REEP3: variants seen among roughly 807,000 people sequenced by gnomAD.
REEP3 encodes the protein receptor accessory protein 3.
A neutral mutation model predicts 41.3 loss-of-function variants in REEP3; 20 were observed. The ratio of observed to expected loss-of-function variants is 0.48; its 90% CI spans 0.34 to 0.70. REEP3 has a LOEUF of 0.70. Among genes scored for constraint, REEP3 ranks in the 30% least tolerant of loss-of-function variants. REEP3 has a pLI of 0.01. For synonymous variants in REEP3, 104 were observed against 101.8 expected (o/e 1.02, Z -0.13); for missense variants, 271 against 308.8 (o/e 0.88, Z 0.92).
In REEP3 at chr10:63,599,202, A is replaced by G. The variant is rs1306643796; in HGVS notation, c.336A>G (p.Glu112=). Residue 112 remains glutamate (E), a synonymous_variant, in exon 5 of 8, where the codon GAA becomes GAG. Transcript: ENST00000373758. ...ATGATTATATTGTACAAGCAAAGGAACGAGGCTATGAAACCATGGTAAACT... is the reference window on the plus strand; with the variant it reads ...ATGATTATATTGTACAAGCAAAGGAGCGAGGCTATGAAACCATGGTAAACT... ...EIDDYIVQAK[E]RGYETMVNFG... The G allele has an allele frequency of 1.1e-5, 18 of 1,592,152 alleles. No homozygotes were observed. The East Asian group carries it at 3.4e-4, about 30-fold the overall frequency.
intron 1 of REEP3, among the ~76,000 whole-genome samples, chr10:63,526,677 A>G (rs755988847): frequency 1.8e-4 from 27 of 151,942 alleles, no homozygotes; most frequent in Non-Finnish European, 1.3e-4. Context: ...CCAGATTTTT[A>G]TTAATTATAT....
intron 5 of REEP3, among the ~76,000 whole-genome samples, chr10:63,602,256 G>C (rs536431648): frequency 6.6e-6 from 1 of 152,272 alleles, no homozygotes; most frequent in African/African-American, 2.4e-5. Context: ...GAGAGTATGG[G>C]GGAAAGAGAA....
chr10:63,537,960 C>G (rs12770839), intron 1 of REEP3, among the ~76,000 whole-genome samples: 16 of 143,594 alleles, frequency 1.1e-4, no homozygotes, highest in Admixed American at 4.9e-4. Context: ...TCTTCCCCCC[C>G]CGACCCCCAT....
At chr10:63,606,136 C>T (rs948850893) in intron 5 of REEP3, 20 of 947,502 alleles carry the variant, frequency 2.1e-5, no homozygotes, top group Non-Finnish European at 2.5e-5. Context: ...AGAGTACAGA[C>T]AATTCTGCAG....
chr10:63,522,789 A>G (rs1471787283), intron 1 of REEP3, among the ~76,000 whole-genome samples: 1 of 152,220 alleles, frequency 6.6e-6, no homozygotes, highest in Non-Finnish European at 1.5e-5. Context: ...CAAAGTTTCT[A>G]GTTTTAAAGC....
At chr10:63,611,461 C>G (rs923719358) in intron 6 of REEP3, among the ~76,000 whole-genome samples, 4 of 152,092 alleles carry the variant, frequency 2.6e-5, no homozygotes, top group Non-Finnish European at 5.9e-5. Context: ...ATGAACATGT[C>G]ATAGTTAATA....
intron 1 of REEP3, among the ~76,000 whole-genome samples, chr10:63,562,247 A>T (rs1472925355): frequency 6.6e-6 from 1 of 151,600 alleles, no homozygotes; most frequent in Non-Finnish European, 1.5e-5. Context: ...ATTGTTAAAT[A>T]AGGCAGAGTT....
chr10:63,545,693 T>G (rs1372328960), intron 1 of REEP3, among the ~76,000 whole-genome samples: 15 of 142,234 alleles, frequency 1.1e-4, no homozygotes, highest in East Asian at 2.1e-4. Context: ...TTTTTTTTTT[T>G]TTTTTTTTTT....
At chr10:63,620,683 C>T (rs973352787) in intron 7 of REEP3, 130 bp from the exon 8 acceptor site, 2 of 559,478 alleles carry the variant, frequency 3.6e-6, no homozygotes, top group South Asian at 5.4e-5. Context: ...GTCTTATATA[C>T]ATTTATTAAG....
intron 1 of REEP3, among the ~76,000 whole-genome samples, chr10:63,533,163 C>G (rs1054866099): frequency 6.6e-6 from 1 of 152,152 alleles, no homozygotes; most frequent in Non-Finnish European, 1.5e-5. Flanking sequence ...AGTTGAAGAT[C>G]TTAAACTATA....
chr10:63,535,445 G>C (rs1290528339), intron 1 of REEP3, among the ~76,000 whole-genome samples: 1 of 152,048 alleles, frequency 6.6e-6, no homozygotes, highest in Non-Finnish European at 1.5e-5. Flanking sequence ...AAATTTAATG[G>C]AATTCCAACA....
chr10:63,580,141 G>A (rs1955937838), intron 2 of REEP3, among the ~76,000 whole-genome samples: 1 of 151,970 alleles, frequency 6.6e-6, no homozygotes, highest in South Asian at 2.1e-4. Context: ...TGTTGTTGTT[G>A]TTGTTTTGAG....
chr10:63,555,766 A>C (rs1362995193), intron 1 of REEP3, among the ~76,000 whole-genome samples: 24 of 152,228 alleles, frequency 1.6e-4, no homozygotes. Flanking sequence ...CAAACTAAGC[A>C]TAATATTGTC....
intron 1 of REEP3, among the ~76,000 whole-genome samples, chr10:63,556,619 T>TG (rs1564477579): frequency 2.9e-3 from 10 of 3,410 alleles, no homozygotes; most frequent in South Asian, 0.033. Flanking sequence ...TGCTTGTTTT[T>TG]TTTTTTGTTG....
chr10:63,556,931 G>A (rs1955693155), intron 1 of REEP3, among the ~76,000 whole-genome samples: 1 of 152,044 alleles, frequency 6.6e-6, no homozygotes, highest in Non-Finnish European at 1.5e-5. Context: ...CACCGCGCCC[G>A]GCCTTTGCTT....
chr10:63,521,824 C>G (rs1289677058), intron 1 of REEP3: 2 of 181,098 alleles, frequency 1.1e-5, no homozygotes, highest in Non-Finnish European at 1.9e-5. Context: ...GCGGCTGTGG[C>G]GCTGCTCGGC....
At chr10:63,579,157 G>A (rs117359294) in intron 2 of REEP3, among the ~76,000 whole-genome samples, 2,262 of 151,706 alleles carry the variant, frequency 0.015, 25 homozygotes, top group East Asian at 0.062. Context: ...TCAGCCTCCC[G>A]AGTAGCTAGG....
rs975659959 is a variant in REEP3 at position 63,609,248 on chromosome 10, C to T, written c.418-939C>T. 2.0e-5 allele frequency among the ~76,000 whole-genome samples: 3 copies of T among 150,182 alleles called. No homozygotes were observed. The Admixed American group carries it at 2.0e-4, about 10-fold the overall frequency. On this transcript the variant is annotated intron_variant, in intron 5 of 7. Transcript: ENST00000373758. ...CAGGCGGATCACGAGTTCAGGAGAT[C>T]GAGACCATCCTGGCTAACACAGTGA...
intron 1 of REEP3, among the ~76,000 whole-genome samples, chr10:63,548,509 G>A (rs1278044016): frequency 6.6e-6 from 1 of 152,124 alleles, no homozygotes; most frequent in Non-Finnish European, 1.5e-5. Context: ...TAGTTTAGGT[G>A]CTTAATTTAC....
Sources: allele counts gnomAD v4.1 joint callset (sites outside exome capture counted in the v4.1 genomes callset), GRCh38; gene constraint gnomAD v4.1.1; transcripts MANE v1.5; gene names NCBI Gene and HGNC (gene_info 2026-07-23, HGNC 2026-07-21).